VTI1A: variants seen among roughly 807,000 people sequenced by gnomAD.
VTI1A encodes vesicle transport through interaction with t-SNAREs homolog 1A.
A neutral mutation model predicts 34.9 loss-of-function variants in VTI1A; 22 were observed. That is an observed-to-expected ratio of 0.63 (90% CI 0.45 to 0.90). The LOEUF is 0.90. Ranked by LOEUF, VTI1A falls within the 40% of genes least tolerant of loss-of-function variation. VTI1A has a pLI of 0.00. For synonymous variants in VTI1A, 87 were observed against 97.3 expected, an observed-to-expected ratio of 0.89 and a Z score of 0.62; for missense variants, 268 against 275.6, an observed-to-expected ratio of 0.97 and a Z score of 0.20.
intron 7 of VTI1A, among the ~76,000 whole-genome samples, chr10:112,814,182 G>A (rs1160626222): frequency 2.6e-5 from 4 of 152,168 alleles, no homozygotes; most frequent in Non-Finnish European, 4.4e-5. Context: ...TCTCTGTTCC[G>A]TGGGGAGCCC....
intron 5 of VTI1A, among the ~76,000 whole-genome samples, chr10:112,666,665 T>A (rs987592051): frequency 6.6e-6 from 1 of 152,178 alleles, no homozygotes; most frequent in Non-Finnish European, 1.5e-5. Flanking sequence ...GGCTACCTCA[T>A]TGGATCATAA....
chr10:112,483,590 T>G (rs1848520565), intron 3 of VTI1A, among the ~76,000 whole-genome samples: 1 of 152,056 alleles, frequency 6.6e-6, no homozygotes, highest in African/African-American at 2.4e-5. Flanking sequence ...TTGTGAGGGG[T>G]GGTCCTGTGT....
At chr10:112,696,094 T>TTA (rs140889088) in intron 7 of VTI1A, among the ~76,000 whole-genome samples, 20,353 of 144,950 alleles carry the variant, frequency 0.14, 1,746 homozygotes, top group African/African-American at 0.25. Context: ...GAGAGAATGA[T>TTA]TATATATATA....
the VTI1A span, among the ~76,000 whole-genome samples, chr10:112,842,984 C>T: frequency 1.1e-3 from 166 of 152,184 alleles, no homozygotes; most frequent in Non-Finnish European, 1.3e-3. Flanking sequence ...TGGTGATTTA[C>T]GGGAGCTCAC....
At chr10:112,527,027 T>C (rs1279002934) in intron 3 of VTI1A, 60 bp from the exon 4 acceptor site, 1 of 1,563,632 alleles carries the variant, frequency 6.4e-7, no homozygotes, top group Non-Finnish European at 8.8e-7. Flanking sequence ...CCAATAAAGC[T>C]TGGAAGCTTT....
intron 7 of VTI1A, among the ~76,000 whole-genome samples, chr10:112,809,189 C>T (rs373975861): frequency 1.3e-5 from 2 of 152,212 alleles, no homozygotes; most frequent in South Asian, 4.1e-4. Flanking sequence ...CCGCACAGCT[C>T]TAGCTCAGAG....
At chr10:112,459,301 G>T (rs778210881) in intron 1 of VTI1A, among the ~76,000 whole-genome samples, 2 of 152,098 alleles carry the variant, frequency 1.3e-5, no homozygotes, top group Non-Finnish European at 2.9e-5. Context: ...GCCATTGCAC[G>T]CTTGCTTTCT....
intron 1 of VTI1A, among the ~76,000 whole-genome samples, chr10:112,457,883 C>T (rs116366990): frequency 3.9e-4 from 59 of 151,918 alleles, no homozygotes; most frequent in African/African-American, 1.4e-3. Context: ...AGTTACAGGA[C>T]GGGAGGAGCA....
intron 5 of VTI1A, among the ~76,000 whole-genome samples, chr10:112,645,875 A>C (rs1846759753): frequency 6.7e-6 from 1 of 150,160 alleles, no homozygotes; most frequent in Admixed American, 6.6e-5. Flanking sequence ...CCATCTATCC[A>C]TCCATCCTAG....
At chr10:112,625,470 C>G (rs1045536739) in intron 5 of VTI1A, among the ~76,000 whole-genome samples, 1 of 152,016 alleles carries the variant, frequency 6.6e-6, no homozygotes, top group Non-Finnish European at 1.5e-5. Context: ...GAAACCCCAT[C>G]TCTACTAAAA....
intron 5 of VTI1A, among the ~76,000 whole-genome samples, chr10:112,657,617 A>T (rs939427119): frequency 6.6e-6 from 1 of 152,198 alleles, no homozygotes; most frequent in Non-Finnish European, 1.5e-5. Context: ...ATCAAAATGG[A>T]TCGAAGACCC....
At chr10:112,612,134 G>A (rs1307957346) in intron 5 of VTI1A, among the ~76,000 whole-genome samples, 3 of 152,090 alleles carry the variant, frequency 2.0e-5, no homozygotes, top group Non-Finnish European at 4.4e-5. Flanking sequence ...TTTATCGTAA[G>A]TTTGAAAACT....
the VTI1A span, among the ~76,000 whole-genome samples, chr10:112,837,299 C>T: frequency 6.6e-6 from 1 of 152,060 alleles, no homozygotes; most frequent in African/African-American, 2.4e-5. Context: ...TGCACTTCAG[C>T]CTAGGTGACA....
intron 1 of VTI1A, among the ~76,000 whole-genome samples, chr10:112,458,397 A>G (rs1847612672): frequency 6.6e-6 from 1 of 152,162 alleles, no homozygotes; most frequent in Admixed American, 6.5e-5. Context: ...AAGCAAATAC[A>G]TTTGGGATCA....
chr10:112,515,333 A>G (rs1297168766), intron 3 of VTI1A, among the ~76,000 whole-genome samples: 2 of 152,024 alleles, frequency 1.3e-5, no homozygotes, highest in African/African-American at 2.4e-5. Flanking sequence ...TTAGATATTG[A>G]TGAGTAGACA....
chr10:112,508,499 A>C (rs2134172792), intron 3 of VTI1A, among the ~76,000 whole-genome samples: 1 of 152,256 alleles, frequency 6.6e-6, no homozygotes, highest in Non-Finnish European at 1.5e-5. Flanking sequence ...AGGGGGTAGG[A>C]GAGACAAAAG....
chr10:112,736,979 T>A, intron 7 of VTI1A: 1 of 591,756 alleles, frequency 1.7e-6, no homozygotes, highest in Non-Finnish European at 3.0e-6. Flanking sequence ...CTGGGTGATT[T>A]ATCTGGTCCC....
At chr10:112,585,446 A>G (rs1262288145) in intron 5 of VTI1A, among the ~76,000 whole-genome samples, 1 of 152,136 alleles carries the variant, frequency 6.6e-6, no homozygotes, top group Non-Finnish European at 1.5e-5. Flanking sequence ...AAAGAATGTC[A>G]TTTTCATGAA....
intron 7 of VTI1A, among the ~76,000 whole-genome samples, chr10:112,708,645 G>C (rs577824494): frequency 6.6e-6 from 1 of 152,278 alleles, no homozygotes; most frequent in South Asian, 2.1e-4. Context: ...TGACAGAAGC[G>C]AGTCACCAGC....
Sources: allele counts gnomAD v4.1 joint callset (sites outside exome capture counted in the v4.1 genomes callset), GRCh38; gene constraint gnomAD v4.1.1; transcripts MANE v1.5; gene names NCBI Gene and HGNC (gene_info 2026-07-23, HGNC 2026-07-21).